The following PLK1 variants were observed in gnomAD, a reference collection of about 807,000 sequenced individuals.
PLK1 encodes the protein polo like kinase 1, also known as serine/threonine-protein kinase PLK1.
Under a neutral mutation model 56.7 loss-of-function variants are expected in PLK1, and 6 were observed. The ratio of observed to expected loss-of-function variants is 0.11; its 90% CI spans 0.06 to 0.21. The LOEUF (loss-of-function observed/expected upper bound fraction) is 0.21. Ranked by LOEUF, PLK1 falls within the 10% of genes least tolerant of loss-of-function variation. The probability of loss-of-function intolerance (pLI) is 1.00; values close to 1 mark genes in which losing one functional copy is unlikely to be tolerated. For missense variants in PLK1, 546 were observed against 814.4 expected (o/e 0.67, Z 4.01); for synonymous variants, 298 against 325.0 (o/e 0.92, Z 0.89).
rs1262912411 is a variant in PLK1 at position 23,682,046 on chromosome 16, C to T, written c.723-18C>T. The T allele has an allele frequency of 7.0e-7, 1 of 1,424,710 alleles. No homozygotes were observed. The highest frequency in any genetic ancestry group is 2.3e-5 in the East Asian group (1 of 44,002). 88.3% of individuals were successfully genotyped at this position (1,424,710 alleles called of 1,614,324 possible). The stretch of plus-strand genomic sequence containing the variant: ...TGTGGCTGGGAGACTGGTGCCAAAT[C>T]CTACCTTGTGCTTACAGGTATACCT... On this transcript the variant is annotated intron_variant, in intron 3 of 9. Coordinates refer to ENST00000300093, the MANE Select transcript of PLK1 (RefSeq NM_005030.6).
intron 2 of PLK1, 103 bp downstream of exon 2, chr16:23,680,355 G>A (rs910671446): frequency 2.4e-6 from 2 of 830,274 alleles, no homozygotes; most frequent in Non-Finnish European, 3.8e-6. Flanking sequence ...TCAGTATCTT[G>A]CCTACAGATG....
At chr16:23,686,340 A>C (rs927512099) in intron 5 of PLK1, among the ~76,000 whole-genome samples, 1 of 152,144 alleles carries the variant, frequency 6.6e-6, no homozygotes, top group African/African-American at 2.4e-5. Flanking sequence ...TAAAAACTTA[A>C]GGAAATTTTC....
At chr16:23,687,189 C>G (rs1205884970) in intron 5 of PLK1, 1 of 246,404 alleles carries the variant, frequency 4.1e-6, no homozygotes, top group African/African-American at 2.2e-5. Flanking sequence ...CTGGGCAGCT[C>G]TGAGCTGCTG....
chr16:23,688,757 C>G lies in PLK1; in HGVS notation c.1270+12C>G. On this transcript the variant is annotated intron_variant, in intron 7 of 9. Coordinates refer to ENST00000300093, the MANE Select transcript of PLK1 (RefSeq NM_005030.6). ...CAAGTACGGCCTTGGTAGGTTTCTT[C>G]CAGAACAGGTGGGTGACTCAGGCAC... The G allele has an allele frequency of 6.3e-7, 1 of 1,596,408 alleles. No homozygotes were observed. Among genetic ancestry groups the G allele is most frequent in the Non-Finnish European group, 8.6e-7 (1 of 1,163,804 alleles).
chr16:23,681,703 A>C (rs1959333812), intron 3 of PLK1, among the ~76,000 whole-genome samples: 1 of 152,196 alleles, frequency 6.6e-6, no homozygotes, highest in Non-Finnish European at 1.5e-5. Flanking sequence ...TGAAGACTTA[A>C]GTACAGAACT....
chr16:23,689,668 T>C lies in PLK1; in HGVS notation c.1600T>C (p.Phe534Leu). 1.2e-6 allele frequency: 2 copies of C among 1,601,168 alleles called. No individual in the cohort carries two copies. The highest frequency in any genetic ancestry group is 1.7e-6 in the Non-Finnish European group (2 of 1,173,130). Residue 534 changes from phenylalanine (F) to leucine (L), a missense_variant, in exon 9 of 10, where the codon TTC (phenylalanine) becomes CTC (leucine). Physicochemically the swap from Phe to Leu is conservative, Grantham distance 22. Around this residue, in one of 7 missense-constraint regions of PLK1, gnomAD observed 113 missense variants for 202.0 expected, o/e 0.56. Transcript: ENST00000300093. This position sits in a 1 kb window ranked among gnomAD's most constrained non-coding sequence, Gnocchi z 4.8. ...HLSNGSVQIN[F>L]FQDHTKLILC... is the part of the protein sequence containing the mutation. ...CAGCAACGGCAGCGTGCAGATCAACTTCTTCCAGGTGAGCTGGAGGTCACC... is the reference window on the plus strand; with the variant it reads ...CAGCAACGGCAGCGTGCAGATCAACCTCTTCCAGGTGAGCTGGAGGTCACC...
At position 23,690,305 on chromosome 16, in the gene PLK1, T is replaced by C; in HGVS notation, c.*242T>C. 1 of 582,304 alleles carries C rather than the reference T, an allele frequency of 1.7e-6. No individual in the cohort carries two copies. The highest frequency in any genetic ancestry group is 2.1e-5 in the South Asian group (1 of 47,700). 36.1% of individuals were successfully genotyped at this position (582,304 alleles called of 1,614,324 possible). ...CCACCATATGAATTGTACAGAATAT[T>C]TCTATTGAATTCGGAACTGTCCTTT... is the stretch of plus-strand genomic sequence containing the variant. On this transcript the variant is annotated 3_prime_UTR_variant, in exon 10 of 10. Coordinates refer to ENST00000300093, the MANE Select transcript of PLK1 (RefSeq NM_005030.6).
At chr16:23,688,784 G>A in intron 7 of PLK1, 39 bp downstream of exon 7, 1 of 1,404,536 alleles carries the variant, frequency 7.1e-7, no homozygotes, top group Non-Finnish European at 1.0e-6. Flanking sequence ...CTCAGGCACA[G>A]CCAGGTGACC....
intron 5 of PLK1, 71 bp from the exon 6 acceptor site, chr16:23,687,398 C>T (rs1336540076): frequency 9.3e-6 from 12 of 1,294,680 alleles, no homozygotes; most frequent in Middle Eastern, 2.8e-4. Flanking sequence ...ATTTTTCTTT[C>T]GGAAGAGTTT....
Position 23,689,515 on chromosome 16 carries a change from C to T in PLK1, c.1447C>T (p.Arg483Cys), listed in dbSNP as rs775771251. 4.3e-6 allele frequency: 7 copies of T among 1,611,590 alleles called. No individual in the cohort carries two copies. Among genetic ancestry groups the T allele is most frequent in the African/African-American group, 1.3e-5 (1 of 74,900 alleles). The change falls in exon 9 of 10, where the codon CGC becomes TGC. Residue 483 changes from arginine (R) to cysteine (C), a missense_variant. Coordinates refer to ENST00000300093, the MANE Select transcript of PLK1 (RefSeq NM_005030.6). The surrounding 1 kb of genome is among the most constrained non-coding windows in gnomAD (Gnocchi z 4.8). ...CCAGATCACCCTCCTTAAATATTTC[C>T]GCAATTACATGAGCGAGCACTTGCT... is the stretch of plus-strand genomic sequence containing the variant. ...MKKITLLKYF[R>C]NYMSEHLLKA...
At position 23,680,187 on chromosome 16, in the gene PLK1, G is replaced by A. The variant is rs1052549183; in HGVS notation, c.512G>A (p.Arg171Gln). The change falls in exon 2 of 10, where the codon CGA (arginine) becomes CAA (glutamine). Residue 171 changes from arginine (R) to glutamine (Q), a missense_variant. This residue lies in a region of PLK1 where 111 missense variants were observed against 211.8 expected (regional missense o/e 0.52). Transcript: ENST00000300093. ...VLGCQYLHRN[R>Q]VIHRDLKLGN... ...GGCTGCCAGTACCTGCACCGAAACC[G>A]AGTTATTCATCGAGACCTCAAGCTG... The A allele has an allele frequency of 6.2e-7, 1 of 1,613,970 alleles. No homozygotes were observed. The highest frequency in any genetic ancestry group is 2.2e-5 in the East Asian group (1 of 44,868).
At chr16:23,685,472 C>T (rs1959410990) in intron 5 of PLK1, among the ~76,000 whole-genome samples, 1 of 151,914 alleles carries the variant, frequency 6.6e-6, no homozygotes. Flanking sequence ...TTTGGGAGGC[C>T]GAGGTGGGTG....
chr16:23,684,486 G>A (rs1229257827), intron 5 of PLK1, among the ~76,000 whole-genome samples: 1 of 152,110 alleles, frequency 6.6e-6, no homozygotes, highest in African/African-American at 2.4e-5. Flanking sequence ...CCAAGTAGCT[G>A]GGACTGTCAG....
rs749921244 is a variant in PLK1 at position 23,679,005 on chromosome 16, G to A, written c.73G>A (p.Val25Ile). The change falls in exon 1 of 10, where the codon GTT becomes ATT. Residue 25 changes from valine to isoleucine, a missense_variant. By Grantham distance (29) the Val-to-Ile change is conservative. This residue lies in a region of PLK1 where 72 missense variants were observed against 63.7 expected (regional missense o/e 1.13). Coordinates refer to ENST00000300093, the MANE Select transcript of PLK1 (RefSeq NM_005030.6). ...CCCTGGGAAAGCCGGGGTCCCCGGA[G>A]TTGCAGCTCCCGGAGCTCCGGCGGC... ...ADPGKAGVPG[V>I]AAPGAPAAAP... The A allele has an allele frequency of 1.2e-5, 19 of 1,606,590 alleles. No homozygotes were observed. Among genetic ancestry groups the A allele is most frequent in the Admixed American group, 5.0e-5 (3 of 59,480 alleles).
chr16:23,684,541 A>T (rs1959393880), intron 5 of PLK1, among the ~76,000 whole-genome samples: 1 of 151,816 alleles, frequency 6.6e-6, no homozygotes, highest in South Asian at 2.1e-4. Context: ...TTTTGTAGAG[A>T]CAGTGTTTTG....
rs547221953 is a variant in PLK1 at position 23,690,195 on chromosome 16, C to G, written c.*132C>G. The G allele has an allele frequency of 8.4e-6, 6 of 713,102 alleles. No homozygotes were observed. Among genetic ancestry groups the G allele is most frequent in the East Asian group, 7.6e-5 (3 of 39,712 alleles). 44.2% of individuals were successfully genotyped at this position (713,102 alleles called of 1,614,324 possible). ...CGGTGGCTGGGCAGAGCTGCATCAT[C>G]CTTGCAGGTGGGGGTTGCTGTATAA... On this transcript the variant is annotated 3_prime_UTR_variant, in exon 10 of 10. Transcript: ENST00000300093.
At chr16:23,680,030 C>T in intron 1 of PLK1, 54 bp from the exon 2 acceptor site, 1 of 1,320,558 alleles carries the variant, frequency 7.6e-7, no homozygotes, top group East Asian at 2.3e-5. Flanking sequence ...CTCCCTTCCC[C>T]ACCGGCCTCA....
intron 1 of PLK1, 107 bp from the exon 2 acceptor site, chr16:23,679,977 G>T (rs369849757): frequency 1.7e-5 from 12 of 708,696 alleles, no homozygotes; most frequent in East Asian, 1.1e-4. Context: ...CATCCCTTGG[G>T]AGTCCAGAGT....
At chr16:23,683,788 G>T (rs1309401751) in intron 4 of PLK1, 82 bp from the exon 5 acceptor site, 4 of 1,047,786 alleles carry the variant, frequency 3.8e-6, no homozygotes, top group Non-Finnish European at 6.0e-6. Flanking sequence ...TGTGGGCTGG[G>T]GACCTGCAGC....
Sources: allele counts gnomAD v4.1 joint callset (sites outside exome capture counted in the v4.1 genomes callset), GRCh38; gene constraint gnomAD v4.1.1; regional missense constraint gnomAD v4.1.1; non-coding constraint Gnocchi (gnomAD v3.1); transcripts MANE v1.5; gene names NCBI Gene and HGNC (gene_info 2026-07-23, HGNC 2026-07-21).